Variants in STXBP5 observed in about 807,000 individuals in gnomAD.
STXBP5 encodes the protein syntaxin-binding protein 5.
Under a neutral mutation model 152.4 loss-of-function variants are expected in STXBP5, and 50 were observed. The observed-to-expected ratio is 0.33, with a 90% CI of 0.26 to 0.42. The LOEUF (loss-of-function observed/expected upper bound fraction) is 0.42, where lower values mean the gene tolerates loss of function less well. STXBP5 is among the 10% of genes least tolerant of loss of function. STXBP5 has a pLI of 1.00. For missense variants in STXBP5, 1,167 were observed against 1,388.6 expected, an observed-to-expected ratio of 0.84 and a Z score of 2.54; for synonymous variants, 492 against 494.7, an observed-to-expected ratio of 0.99 and a Z score of 0.07.
intron 21 of STXBP5, among the ~76,000 whole-genome samples, chr6:147,351,434 T>A (rs1784586198): frequency 6.6e-6 from 1 of 152,188 alleles, no homozygotes; most frequent in Non-Finnish European, 1.5e-5. Context: ...AGATACTACT[T>A]ATCAGTCTAG....
At chr6:147,294,106 A>G (rs1330450902) in intron 9 of STXBP5, among the ~76,000 whole-genome samples, 1 of 152,196 alleles carries the variant, frequency 6.6e-6, no homozygotes, top group Non-Finnish European at 1.5e-5. Flanking sequence ...CAGTTTTATT[A>G]TGGAACCAGT....
rs1300290559 is a variant in STXBP5, at chr6:147,389,230, T to C, written c.*4475T>C. The stretch of plus-strand genomic sequence containing the variant: ...TTTTTCCTGTGAATATTAATGATTT[T>C]ACTACTGCCTCCGAAGTTTTAAAAA... On this transcript the variant is annotated 3_prime_UTR_variant, in exon 28 of 28. Coordinates refer to ENST00000321680, the MANE Select transcript of STXBP5 (RefSeq NM_001127715.4). 6.6e-6 allele frequency: 1 copy of C among 151,752 alleles called. No individual in the cohort carries two copies. Among genetic ancestry groups the C allele is most frequent in the Non-Finnish European group, 1.5e-5 (1 of 67,722 alleles). 9.4% of individuals were successfully genotyped at this position (151,752 alleles called of 1,614,324 possible).
In STXBP5 at chr6:147,372,298, G is replaced by A. The variant is rs780746353; in HGVS notation, c.3082-1433G>A. On this transcript the variant is annotated intron_variant, in intron 25 of 27. Transcript: ENST00000321680. ...AGCCTTTACCAGCCTTCTTAGCCCA[G>A]CCCCAAGGAAGAAACCCTGAAAAAT... 8.0e-5 allele frequency among the ~76,000 whole-genome samples: 12 copies of A among 150,158 alleles called. 1 individual carries two copies. Among genetic ancestry groups the A allele is most frequent in the Non-Finnish European group, 1.8e-4 (12 of 67,814 alleles).
chr6:147,239,088 G>A, intron 3 of STXBP5, 82 bp from the exon 4 acceptor site: 1 of 1,231,962 alleles, frequency 8.1e-7, no homozygotes, highest in Non-Finnish European at 1.1e-6. Flanking sequence ...ATTTGGGAAG[G>A]AGATATTTCT....
At chr6:147,301,935 T>C (rs761379046) in intron 9 of STXBP5, among the ~76,000 whole-genome samples, 1 of 152,164 alleles carries the variant, frequency 6.6e-6, no homozygotes, top group Non-Finnish European at 1.5e-5. Context: ...GTGACTATTA[T>C]AGCTTTGTGT....
intron 8 of STXBP5, among the ~76,000 whole-genome samples, chr6:147,281,268 G>A (rs1780687221): frequency 6.6e-6 from 1 of 152,062 alleles, no homozygotes; most frequent in Non-Finnish European, 1.5e-5. Flanking sequence ...ATGTTGGCCA[G>A]GCTGGTCTCA....
chr6:147,349,311 C>T (rs2128404442), intron 21 of STXBP5, among the ~76,000 whole-genome samples: 1 of 152,150 alleles, frequency 6.6e-6, no homozygotes, highest in East Asian at 1.9e-4. Flanking sequence ...AGCATTAGAG[C>T]CTTGGTTATT....
At chr6:147,364,341 A>G (rs192459059) in intron 25 of STXBP5, among the ~76,000 whole-genome samples, 175 bp downstream of exon 25, 55 of 152,356 alleles carry the variant, frequency 3.6e-4, no homozygotes, top group African/African-American at 1.3e-3. Context: ...GATTAAAAGT[A>G]TCATCTTCAG....
At chr6:147,335,232 T>C (rs1339934764) in intron 19 of STXBP5, among the ~76,000 whole-genome samples, 1 of 152,192 alleles carries the variant, frequency 6.6e-6, no homozygotes, top group Non-Finnish European at 1.5e-5. Flanking sequence ...AGGTTTAACA[T>C]TGGTAGAATT....
At chr6:147,315,790 A>G (rs1205171489) in intron 15 of STXBP5, 55 bp downstream of exon 15, 2 of 1,533,082 alleles carry the variant, frequency 1.3e-6, no homozygotes, top group Non-Finnish European at 1.8e-6. Context: ...ACATTTTTAA[A>G]TTTGTGGATG....
rs1325287614 is a variant in STXBP5, at chr6:147,363,384, T to A, written c.2595T>A (p.Asp865Glu). The A allele has an allele frequency of 1.2e-6, 2 of 1,611,634 alleles. No homozygotes were observed. Among genetic ancestry groups the A allele is most frequent in the South Asian group, 2.2e-5 (2 of 90,530 alleles). Residue 865 changes from aspartate to glutamate, a missense_variant, in exon 24 of 28, where the codon GAT (aspartate) becomes GAA (glutamate). By Grantham distance (45) the Asp-to-Glu change is conservative. Coordinates refer to ENST00000321680, the MANE Select transcript of STXBP5 (RefSeq NM_001127715.4). ...KGAILRMAFL[D>E]TTGCLIPPAY... ...CAATCTTGAGAATGGCATTTCTGGA[T>A]ACCACAGGCTGCTTAATACCACCTG...
chr6:147,311,543 T>A lies in STXBP5; in HGVS notation c.1145+16T>A, dbSNP rs762422418. Reference sequence around the variant, plus strand: ...CACAAAATGGGTAAGAAATAAAATTTGGTGAGTGATTCTATCAGTATGTGG... The same window carrying A: ...CACAAAATGGGTAAGAAATAAAATTAGGTGAGTGATTCTATCAGTATGTGG... On this transcript the variant is annotated intron_variant, in intron 11 of 27. Coordinates refer to ENST00000321680, the MANE Select transcript of STXBP5 (RefSeq NM_001127715.4). 2 of 1,588,938 alleles carry A rather than the reference T, an allele frequency of 1.3e-6. No individual in the cohort carries two copies. The highest frequency in any genetic ancestry group is 4.5e-5 in the East Asian group (2 of 44,628).
rs1448026128 is a variant in STXBP5 at position 147,352,281 on chromosome 6, A to G, written c.2255-1042A>G. 2.0e-5 allele frequency among the ~76,000 whole-genome samples: 3 copies of G among 152,246 alleles called. No homozygotes were observed. In the East Asian group the frequency reaches 5.8e-4, roughly 29 times the overall value. On this transcript the variant is annotated intron_variant, in intron 21 of 27. Coordinates refer to ENST00000321680, the MANE Select transcript of STXBP5 (RefSeq NM_001127715.4). ...GAGTGGTTGAGTCAGATATTGTATAATGTAATCAAATACTTAAATTTGATT... is the reference window on the plus strand; with the variant it reads ...GAGTGGTTGAGTCAGATATTGTATAGTGTAATCAAATACTTAAATTTGATT...
chr6:147,305,908 A>T (rs1302998086), intron 9 of STXBP5, among the ~76,000 whole-genome samples: 1 of 152,182 alleles, frequency 6.6e-6, no homozygotes, highest in Non-Finnish European at 1.5e-5. Context: ...TTGAAAAAAA[A>T]TTGTTGAGGG....
At chr6:147,359,030 C>A in intron 22 of STXBP5, 54 bp from the exon 23 acceptor site, 1 of 1,574,502 alleles carries the variant, frequency 6.4e-7, no homozygotes, top group Non-Finnish European at 8.6e-7. Flanking sequence ...AAAAACAACA[C>A]AAATAACTTC....
intron 2 of STXBP5, among the ~76,000 whole-genome samples, chr6:147,231,601 C>T (rs1778009710): frequency 6.6e-6 from 1 of 151,802 alleles, no homozygotes; most frequent in Non-Finnish European, 1.5e-5. Context: ...AATATATTTA[C>T]CTTTCCCTTA....
intron 21 of STXBP5, among the ~76,000 whole-genome samples, chr6:147,347,178 T>A (rs1176264324): frequency 2.0e-5 from 3 of 152,204 alleles, no homozygotes; most frequent in Admixed American, 2.0e-4. Context: ...TCTCAAGTCT[T>A]TGTCTTAAGT....
At chr6:147,247,704 G>A (rs1199164090) in intron 4 of STXBP5, among the ~76,000 whole-genome samples, 1 of 151,986 alleles carries the variant, frequency 6.6e-6, no homozygotes, top group African/African-American at 2.4e-5. Context: ...TCAATATTGT[G>A]ATTAATTTTG....
intron 9 of STXBP5, among the ~76,000 whole-genome samples, chr6:147,299,894 G>T (rs1478494251): frequency 6.6e-6 from 1 of 151,978 alleles, no homozygotes; most frequent in East Asian, 1.9e-4. Flanking sequence ...CAAACAGAAT[G>T]ACGTTTTATT....
Sources: allele counts gnomAD v4.1 joint callset (sites outside exome capture counted in the v4.1 genomes callset), GRCh38; gene constraint gnomAD v4.1.1; transcripts MANE v1.5; gene names NCBI Gene and HGNC (gene_info 2026-07-23, HGNC 2026-07-21).